RNF19A: variants seen among roughly 807,000 people sequenced by gnomAD.
RNF19A encodes ring finger protein 19A, RBR E3 ubiquitin protein ligase.
Under a neutral mutation model 75.7 loss-of-function variants are expected in RNF19A, and 32 were observed. The observed-to-expected ratio is 0.42, with a 90% CI of 0.32 to 0.57. The LOEUF (loss-of-function observed/expected upper bound fraction) is 0.57. Among genes scored for constraint, RNF19A ranks in the 20% least tolerant of loss-of-function variants. RNF19A has a pLI of 0.10. For synonymous variants in RNF19A, 335 were observed against 345.2 expected, an observed-to-expected ratio of 0.97 and a Z score of 0.33; for missense variants, 782 against 1,036.3, an observed-to-expected ratio of 0.75 and a Z score of 3.37.
In RNF19A at chr8:100,322,837, A is replaced by G. The variant is rs958338727; in HGVS notation, c.-242-9465T>C. On this transcript the variant is annotated intron_variant, in intron 1 of 3. Transcript: ENST00000519527. The surrounding 1 kb of genome is among the most constrained non-coding windows in gnomAD (Gnocchi z 5.1). ...TGGGGGAATGGCTGGTCAGTGGAGTAGTCAGAACACACACACACATTTATT... is the reference window on the plus strand; with the variant it reads ...TGGGGGAATGGCTGGTCAGTGGAGTGGTCAGAACACACACACACATTTATT... Among the ~76,000 whole-genome samples the G allele has an allele frequency of 6.6e-6, 1 of 152,222 alleles. No homozygotes were observed. Among genetic ancestry groups the G allele is most frequent in the African/African-American group, 2.4e-5 (1 of 41,458 alleles).
intron 1 of RNF19A, among the ~76,000 whole-genome samples, chr8:100,308,403 G>C (rs1351559402): frequency 6.6e-6 from 1 of 152,008 alleles, no homozygotes; most frequent in African/African-American, 2.4e-5. Context: ...ACTGTAACAA[G>C]GAAAGAACAT....
upstream of RNF19A, among the ~76,000 whole-genome samples, chr8:100,312,160 C>T (rs1296572889): frequency 6.6e-6 from 1 of 152,176 alleles, no homozygotes; most frequent in Non-Finnish European, 1.5e-5. Flanking sequence ...TATTATACCC[C>T]GGAAATATCC....
In RNF19A at chr8:100,258,366, C is replaced by A. The variant is rs955918983; in HGVS notation, c.*190G>T. 5.7e-6 allele frequency: 3 copies of A among 526,586 alleles called. No homozygotes were observed. Among genetic ancestry groups the A allele is most frequent in the African/African-American group, 3.9e-5 (2 of 51,496 alleles). 32.6% of individuals were successfully genotyped at this position (526,586 alleles called of 1,614,324 possible). On this transcript the variant is annotated 3_prime_UTR_variant, in exon 10 of 10. Transcript: ENST00000341084. The surrounding 1 kb of genome is among the most constrained non-coding windows in gnomAD (Gnocchi z 4.3). ...TCCTTAAAATAATGCACTTTTAAAG[C>A]CTTCACTTCATAGTTTGGTAACTAA...
rs1218760061 is a variant in RNF19A, at chr8:100,279,894, G to A, written c.675-4733C>T. Among the ~76,000 whole-genome samples the A allele has an allele frequency of 2.0e-5, 3 of 151,942 alleles. No homozygotes were observed. The East Asian group carries it at 5.8e-4, about 29-fold the overall frequency. ...TAGTCAGGCTGGTCTCGAACTCCTG[G>A]CCTCATCTGCCCACCTTGGCCTCCC... On this transcript the variant is annotated intron_variant, in intron 2 of 9. Coordinates refer to ENST00000341084, the MANE Select transcript of RNF19A (RefSeq NM_183419.4).
chr8:100,261,464 C>T lies in RNF19A; in HGVS notation c.1682+78G>A, dbSNP rs1026401981. Reference sequence around the variant, plus strand: ...AGTAGGGTTATATATAATCATCATGCTTTATGTTCAAAATTCTCACCTAAT... The same window carrying T: ...AGTAGGGTTATATATAATCATCATGTTTTATGTTCAAAATTCTCACCTAAT... On this transcript the variant is annotated intron_variant, in intron 8 of 9. Coordinates refer to ENST00000341084, the MANE Select transcript of RNF19A (RefSeq NM_183419.4). The surrounding 1 kb of genome is among the most constrained non-coding windows in gnomAD (Gnocchi z 4.4). 47 of 1,224,284 alleles carry T rather than the reference C, an allele frequency of 3.8e-5. No homozygotes were observed. Among genetic ancestry groups the T allele is most frequent in the Non-Finnish European group, 3.7e-5 (31 of 834,332 alleles). 75.8% of individuals were successfully genotyped at this position (1,224,284 alleles called of 1,614,324 possible). A position where few individuals can be genotyped will look rare whatever the true frequency, so the allele number is the denominator to read the frequency against.
intron 1 of RNF19A, among the ~76,000 whole-genome samples, chr8:100,303,576 G>A (rs1051212762): frequency 3.3e-5 from 5 of 152,042 alleles, no homozygotes; most frequent in African/African-American, 1.2e-4. Context: ...AAGGACATCA[G>A]TAAGGTATGC....
chr8:100,318,094 T>A (rs142112554), intron 1 of RNF19A, among the ~76,000 whole-genome samples: 1 of 152,238 alleles, frequency 6.6e-6, no homozygotes, highest in East Asian at 1.9e-4. Context: ...CATTAAGGGA[T>A]TTATAGGAGC....
At chr8:100,270,119 T>C (rs753969136) in intron 3 of RNF19A, 106 bp from the exon 4 acceptor site, 15 of 946,176 alleles carry the variant, frequency 1.6e-5, no homozygotes, top group Non-Finnish European at 2.0e-5. Context: ...AGATGTAGTT[T>C]GTTAACTTAT....
chr8:100,311,699 CAG>C (rs1467799945), upstream of RNF19A, among the ~76,000 whole-genome samples: 8 of 116,832 alleles, frequency 6.8e-5, no homozygotes, highest in African/African-American at 2.8e-4. Flanking sequence ...GCCTGGGCGA[CAG>C]AGCGAGACTC....
chr8:100,280,805 G>A (rs573597379), intron 2 of RNF19A, among the ~76,000 whole-genome samples: 5 of 152,266 alleles, frequency 3.3e-5, no homozygotes, highest in African/African-American at 1.2e-4. Flanking sequence ...CACACATTTT[G>A]AAAACAGATT....
rs557441681 is a variant in RNF19A at position 100,295,739 on chromosome 8, T to C, written c.-93-7472A>G. Among the ~76,000 whole-genome samples, 4 of 152,328 alleles carry C rather than the reference T, an allele frequency of 2.6e-5. 1 individual carries two copies. The South Asian group carries it at 8.3e-4, about 32-fold the overall frequency. On this transcript the variant is annotated intron_variant, in intron 1 of 9. Coordinates refer to ENST00000341084, the MANE Select transcript of RNF19A (RefSeq NM_183419.4). ...CAGACTATAACTTAAAGTGATCTACTAGAAATGATGTATTTCTACCCAAGC... is the reference window on the plus strand; with the variant it reads ...CAGACTATAACTTAAAGTGATCTACCAGAAATGATGTATTTCTACCCAAGC...
intron 2 of RNF19A, among the ~76,000 whole-genome samples, chr8:100,281,088 A>G (rs981621454): frequency 1.3e-5 from 2 of 152,184 alleles, no homozygotes; most frequent in African/African-American, 4.8e-5. Flanking sequence ...ATTTCCTTCC[A>G]TGGTCCATTA....
At chr8:100,306,880 A>G (rs1822083009) in intron 1 of RNF19A, among the ~76,000 whole-genome samples, 1 of 152,222 alleles carries the variant, frequency 6.6e-6, no homozygotes, top group Non-Finnish European at 1.5e-5. Context: ...AAAATTCCTA[A>G]GTAAAGAAAA....
chr8:100,313,901 A>ATTTTTTTTTTTTTT (rs1554675394), upstream of RNF19A, among the ~76,000 whole-genome samples: 6 of 78,462 alleles, frequency 7.6e-5, no homozygotes, highest in African/African-American at 1.4e-4. Context: ...AAAGAGAACT[A>ATTTTTTTTTTTTTT]CTTTTTTTTT....
At chr8:100,308,257 TCA>T (rs1415798208) in intron 1 of RNF19A, among the ~76,000 whole-genome samples, 2 of 152,174 alleles carry the variant, frequency 1.3e-5, no homozygotes, top group Non-Finnish European at 2.9e-5. Flanking sequence ...AATTTAAACT[TCA>T]GTTAAATTTT....
At position 100,260,893 on chromosome 8, in the gene RNF19A, A is replaced by C. The variant is rs548391402; in HGVS notation, c.1682+649T>G. On this transcript the variant is annotated intron_variant, in intron 8 of 9. Coordinates refer to ENST00000341084, the MANE Select transcript of RNF19A (RefSeq NM_183419.4). This position sits in a 1 kb window ranked among gnomAD's most constrained non-coding sequence, Gnocchi z 4.1. The stretch of plus-strand genomic sequence containing the variant: ...ACACATTCCTGGATGTCCTGACTCC[A>C]CCTGTTTCCCAGGACTCAGCCAAAG... Among the ~76,000 whole-genome samples, 1 of 152,268 alleles carries C rather than the reference A, an allele frequency of 6.6e-6. No individual in the cohort carries two copies. Among genetic ancestry groups the C allele is most frequent in the East Asian group, 1.9e-4 (1 of 5,184 alleles).
At chr8:100,271,740 G>A (rs1036439160) in intron 3 of RNF19A, among the ~76,000 whole-genome samples, 1 of 152,090 alleles carries the variant, frequency 6.6e-6, no homozygotes, top group Non-Finnish European at 1.5e-5. Context: ...ATCTATGAAA[G>A]GCTGTTTAGT....
At chr8:100,310,582 G>A (rs753776597), upstream of RNF19A, among the ~76,000 whole-genome samples, 2 of 152,236 alleles carry the variant, frequency 1.3e-5, no homozygotes, top group East Asian at 1.9e-4. Flanking sequence ...GAAGTGCCGG[G>A]ATGTTGCAGC....
At chr8:100,311,674 C>T (rs1337640030), upstream of RNF19A, among the ~76,000 whole-genome samples, 2 of 142,604 alleles carry the variant, frequency 1.4e-5, no homozygotes, top group Non-Finnish European at 3.0e-5. Flanking sequence ...GCAGAGATCT[C>T]GCCACTGCAC....
Sources: gnomAD v4.1 joint callset for allele counts (sites outside exome capture counted in the v4.1 genomes callset) on GRCh38, gnomAD v4.1.1 for gene constraint, Gnocchi (gnomAD v3.1) non-coding constraint, MANE v1.5 for transcripts, NCBI Gene and HGNC (gene_info 2026-07-23, HGNC 2026-07-21) for gene names.